The following BMPR1B variants were observed in gnomAD, a reference collection of about 807,000 sequenced individuals.
The protein encoded by BMPR1B is bone morphogenetic protein receptor type 1B.
In BMPR1B, 12 loss-of-function variants were observed where a neutral mutation model predicts 59.1. The ratio of observed to expected loss-of-function variants is 0.20; its 90% CI spans 0.13 to 0.33. The LOEUF is 0.33. Ranked by LOEUF, BMPR1B falls within the 10% of genes least tolerant of loss-of-function variation. The pLI, the probability that BMPR1B is intolerant of heterozygous loss-of-function variation, is 1.00. For synonymous variants in BMPR1B, 237 were observed against 207.3 expected, an observed-to-expected ratio of 1.14 and a Z score of -1.23; for missense variants, 550 against 610.9, an observed-to-expected ratio of 0.90 and a Z score of 1.05.
At chr4:94,978,439 CTA>C (rs1262050617) in intron 2 of BMPR1B, among the ~76,000 whole-genome samples, 9 of 152,292 alleles carry the variant, frequency 5.9e-5, no homozygotes, top group Non-Finnish European at 1.3e-4. Flanking sequence ...CAAGGTCTCT[CTA>C]GTTTTTCCAC....
At chr4:94,952,341 AT>A (rs1729976364) in intron 2 of BMPR1B, among the ~76,000 whole-genome samples, 1 of 151,798 alleles carries the variant, frequency 6.6e-6, no homozygotes, top group Admixed American at 6.6e-5. Flanking sequence ...AATTCTTTTA[AT>A]TGTGATGTTA....
At chr4:95,067,499 C>T (rs1292316916) in intron 3 of BMPR1B, among the ~76,000 whole-genome samples, 1 of 152,136 alleles carries the variant, frequency 6.6e-6, no homozygotes, top group Non-Finnish European at 1.5e-5. Flanking sequence ...TTAATGTGCT[C>T]ACATTTTCCA....
chr4:95,124,969 C>T lies in BMPR1B; in HGVS notation c.447-14C>T, dbSNP rs1205079425. On this transcript the variant is annotated splice_polypyrimidine_tract_variant and intron_variant, in intron 7 of 12. Coordinates refer to ENST00000515059, the MANE Select transcript of BMPR1B (RefSeq NM_001203.3). ...TTTCATTATCTAAAATTATCTTCAT[C>T]TATCCATCTTTAGGTATAAAAGACA... 5 of 1,607,280 alleles carry T rather than the reference C, an allele frequency of 3.1e-6. No individual in the cohort carries two copies. The highest frequency in any genetic ancestry group is 1.3e-5 in the African/African-American group (1 of 74,854).
At chr4:95,129,276 G>A (rs990803451) in intron 8 of BMPR1B, among the ~76,000 whole-genome samples, 5 of 152,098 alleles carry the variant, frequency 3.3e-5, no homozygotes, top group African/African-American at 1.2e-4. Flanking sequence ...GGTTTTAAAG[G>A]AGTCAGAGTT....
At chr4:94,852,694 T>C (rs1217201233) in intron 1 of BMPR1B, among the ~76,000 whole-genome samples, 1 of 152,140 alleles carries the variant, frequency 6.6e-6, no homozygotes, top group Non-Finnish European at 1.5e-5. Flanking sequence ...TCTTTTGATA[T>C]CACTGTCTTA....
intron 2 of BMPR1B, among the ~76,000 whole-genome samples, chr4:94,953,749 T>C (rs1400655242): frequency 6.6e-6 from 1 of 152,176 alleles, no homozygotes; most frequent in African/African-American, 2.4e-5. Flanking sequence ...GTTGCCGTTC[T>C]CGAGGAGTAT....
chr4:95,012,898 T>G (rs1458718416), intron 3 of BMPR1B, among the ~76,000 whole-genome samples: 1 of 152,068 alleles, frequency 6.6e-6, no homozygotes, highest in East Asian at 1.9e-4. Context: ...ACAGTTTGGG[T>G]TAGTAATTCT....
At chr4:94,906,428 T>C (rs1454187698) in intron 2 of BMPR1B, among the ~76,000 whole-genome samples, 2 of 152,068 alleles carry the variant, frequency 1.3e-5, no homozygotes, top group Non-Finnish European at 2.9e-5. Flanking sequence ...ACACATAAAG[T>C]ATTCACTCTT....
At chr4:94,889,698 G>T (rs1727314409) in intron 2 of BMPR1B, among the ~76,000 whole-genome samples, 1 of 152,002 alleles carries the variant, frequency 6.6e-6, no homozygotes, top group Admixed American at 6.6e-5. Flanking sequence ...GGAAACCTGA[G>T]AAGGAGCCAC....
At chr4:95,144,511 C>G (rs967201826) in intron 10 of BMPR1B, among the ~76,000 whole-genome samples, 3 of 151,710 alleles carry the variant, frequency 2.0e-5, no homozygotes, top group Non-Finnish European at 2.9e-5. Context: ...CTCATTGAAG[C>G]ATGATTTGAA....
chr4:94,912,536 C>T (rs150832010), intron 2 of BMPR1B, among the ~76,000 whole-genome samples: 4 of 152,240 alleles, frequency 2.6e-5, no homozygotes, highest in Non-Finnish European at 4.4e-5. Context: ...TTAGAAGTGA[C>T]ATACATAACC....
At chr4:94,880,700 G>A (rs1480653569) in intron 2 of BMPR1B, among the ~76,000 whole-genome samples, 2 of 142,550 alleles carry the variant, frequency 1.4e-5, no homozygotes, top group East Asian at 4.1e-4. Context: ...GTGCAGTGAT[G>A]AAATCATGGC....
intron 1 of BMPR1B, among the ~76,000 whole-genome samples, chr4:94,847,622 C>CCTG (rs143590753): frequency 2.2e-3 from 329 of 151,806 alleles, no homozygotes; most frequent in African/African-American, 7.6e-3. Context: ...AACAATGAGA[C>CCTG]TGTCATTTGC....
chr4:95,044,869 G>T (rs1172277270), intron 3 of BMPR1B, among the ~76,000 whole-genome samples: 3 of 152,054 alleles, frequency 2.0e-5, no homozygotes, highest in Admixed American at 6.6e-5. Context: ...GGGCTCTATT[G>T]TTAGTTTTTT....
intron 2 of BMPR1B, among the ~76,000 whole-genome samples, chr4:94,908,058 C>CT (rs1259035153): frequency 7.7e-4 from 37 of 47,948 alleles, no homozygotes; most frequent in African/African-American, 3.4e-3. Flanking sequence ...GAGACCCTGT[C>CT]TTTAAAAAAA....
intron 2 of BMPR1B, among the ~76,000 whole-genome samples, chr4:94,961,154 C>G (rs1730337186): frequency 1.3e-5 from 2 of 152,098 alleles, no homozygotes; most frequent in Non-Finnish European, 2.9e-5. Flanking sequence ...GTGGAACATA[C>G]CAGTGACTGA....
intron 2 of BMPR1B, among the ~76,000 whole-genome samples, chr4:94,989,361 C>G (rs932071048): frequency 4.2e-4 from 62 of 147,058 alleles, no homozygotes; most frequent in Non-Finnish European, 6.2e-4. Flanking sequence ...TGCACTCCAG[C>G]CTGGTGACAG....
intron 10 of BMPR1B, among the ~76,000 whole-genome samples, chr4:95,135,829 C>G (rs571994497): frequency 1.7e-4 from 26 of 152,286 alleles, no homozygotes; most frequent in African/African-American, 6.0e-4. Flanking sequence ...TTAACTTCCT[C>G]TTTTCCTAAT....
At chr4:95,069,191 C>T (rs1330105429) in intron 3 of BMPR1B, among the ~76,000 whole-genome samples, 1 of 152,150 alleles carries the variant, frequency 6.6e-6, no homozygotes, top group Non-Finnish European at 1.5e-5. Flanking sequence ...ACCACTACCA[C>T]CCATGTCCAA....
Sources: allele counts gnomAD v4.1 joint callset (sites outside exome capture counted in the v4.1 genomes callset), GRCh38; gene constraint gnomAD v4.1.1; transcripts MANE v1.5; gene names NCBI Gene and HGNC (gene_info 2026-07-23, HGNC 2026-07-21).